The following PCDH15 variants were observed in gnomAD, a reference collection of about 807,000 sequenced individuals.
PCDH15 encodes protocadherin-15.
PCDH15 carries 129 observed loss-of-function variants against 178.5 expected under a neutral mutation model. That is an observed-to-expected ratio of 0.72 (90% confidence interval 0.63 to 0.84). PCDH15 has a LOEUF of 0.84. Ranked by LOEUF, PCDH15 falls within the 40% of genes least tolerant of loss-of-function variation. PCDH15 has a pLI of 0.00. For missense variants in PCDH15, 2,230 were observed against 2,099.9 expected, an observed-to-expected ratio of 1.06 and a Z score of -1.21; for synonymous variants, 800 against 732.0, an observed-to-expected ratio of 1.09 and a Z score of -1.50.
At chr10:54,366,554 G>T (rs999111300) in intron 5 of PCDH15, among the ~76,000 whole-genome samples, 1 of 151,784 alleles carries the variant, frequency 6.6e-6, no homozygotes, top group African/African-American at 2.4e-5. Context: ...ATTCATAATA[G>T]ATAAAATTCA....
At chr10:54,294,551 T>TA (rs1456803513) in intron 8 of PCDH15, among the ~76,000 whole-genome samples, 5 of 152,132 alleles carry the variant, frequency 3.3e-5, no homozygotes, top group African/African-American at 1.2e-4. Flanking sequence ...TGCCAAAAGA[T>TA]AAAAATCTAC....
chr10:54,365,815 C>T (rs1041600070), intron 5 of PCDH15, among the ~76,000 whole-genome samples: 2 of 152,046 alleles, frequency 1.3e-5, no homozygotes, highest in African/African-American at 2.4e-5. Flanking sequence ...ATGAGAAAGA[C>T]ATTTGAAACC....
At chr10:54,126,523 C>A (rs1221555230) in intron 15 of PCDH15, among the ~76,000 whole-genome samples, 1 of 151,988 alleles carries the variant, frequency 6.6e-6, no homozygotes, top group Non-Finnish European at 1.5e-5. Flanking sequence ...ATATTCTTGA[C>A]AAGTAATCCT....
chr10:54,370,913 A>T (rs1947561791), intron 4 of PCDH15, among the ~76,000 whole-genome samples: 1 of 151,836 alleles, frequency 6.6e-6, no homozygotes, highest in Non-Finnish European at 1.5e-5. Flanking sequence ...TAGCTGTCTG[A>T]ATGATGCTAC....
At chr10:55,468,283 G>A (rs1002940510) in intron 2 of PCDH15, 1 of 152,100 alleles carries the variant, frequency 6.6e-6, no homozygotes, top group African/African-American at 2.4e-5. Context: ...TGTCGTTGTT[G>A]TTAGGGCATT....
intron 1 of PCDH15, among the ~76,000 whole-genome samples, chr10:54,671,945 A>G (rs1425769387): frequency 6.6e-6 from 1 of 152,098 alleles, no homozygotes; most frequent in Admixed American, 6.5e-5. Flanking sequence ...ATCTGTATTT[A>G]CAGCCCCTCC....
intron 2 of PCDH15, among the ~76,000 whole-genome samples, chr10:55,413,996 A>G (rs1838413462): frequency 6.6e-6 from 1 of 151,576 alleles, no homozygotes; most frequent in Non-Finnish European, 1.5e-5. Context: ...TAAGAGTAAG[A>G]TAATATTATA....
At chr10:54,593,949 A>AC (rs1214459519) in intron 2 of PCDH15, among the ~76,000 whole-genome samples, 1 of 151,710 alleles carries the variant, frequency 6.6e-6, no homozygotes, top group Non-Finnish European at 1.5e-5. Flanking sequence ...AGACGGGTGT[A>AC]CCCCTAGTAA....
intron 3 of PCDH15, among the ~76,000 whole-genome samples, chr10:54,426,291 T>C (rs552245747): frequency 1.3e-5 from 2 of 152,174 alleles, no homozygotes; most frequent in Admixed American, 6.5e-5. Context: ...AATATTTTCA[T>C]GGACAGGGTT....
chr10:55,332,297 T>C (rs1392808363), intron 2 of PCDH15, among the ~76,000 whole-genome samples: 2 of 152,148 alleles, frequency 1.3e-5, no homozygotes, highest in Non-Finnish European at 2.9e-5. Context: ...TGGCAGTTAA[T>C]GGATATTTGA....
intron 2 of PCDH15, among the ~76,000 whole-genome samples, chr10:55,132,606 T>C (rs530146973): frequency 3.9e-5 from 6 of 152,128 alleles, no homozygotes; most frequent in Non-Finnish European, 7.4e-5. Context: ...TAATTAAATG[T>C]TCGTTTTCAC....
At chr10:54,010,334 C>T (rs940109928) in intron 20 of PCDH15, among the ~76,000 whole-genome samples, 1 of 151,942 alleles carries the variant, frequency 6.6e-6, no homozygotes, top group Non-Finnish European at 1.5e-5. Context: ...CTCGGCAACC[C>T]CCGACCTGGG....
At chr10:54,642,953 C>T (rs558456885) in intron 2 of PCDH15, among the ~76,000 whole-genome samples, 326 of 152,246 alleles carry the variant, frequency 2.1e-3, no homozygotes, top group African/African-American at 7.7e-3. Flanking sequence ...GACAGAATCT[C>T]GCTCTCTGTC....
chr10:55,129,160 A>G (rs1010981084), intron 2 of PCDH15, among the ~76,000 whole-genome samples: 7 of 151,998 alleles, frequency 4.6e-5, no homozygotes, highest in African/African-American at 9.7e-5. Context: ...AGAAGAAGAC[A>G]CTCCTTCTTC....
At chr10:54,248,281 GAATTA>G (rs1428466698) in intron 8 of PCDH15, among the ~76,000 whole-genome samples, 2 of 151,796 alleles carry the variant, frequency 1.3e-5, no homozygotes, top group African/African-American at 4.8e-5. Flanking sequence ...AGAAACTTAT[GAATTA>G]AATTATTTAA....
intron 1 of PCDH15, among the ~76,000 whole-genome samples, chr10:55,235,513 C>T (rs16907149): frequency 0.061 from 9,316 of 152,034 alleles, 358 homozygotes; most frequent in Non-Finnish European, 0.09. Flanking sequence ...TTTAAGATAC[C>T]GTATTATGCT....
chr10:54,075,325 C>T (rs965386596), intron 17 of PCDH15, among the ~76,000 whole-genome samples: 3 of 151,684 alleles, frequency 2.0e-5, no homozygotes, highest in Non-Finnish European at 4.4e-5. Flanking sequence ...TGCAGTGAGC[C>T]GAGATCGCGC....
At chr10:54,939,523 A>AAAAAAAAAAAAAAAAAAAAAC (rs1838005564) in intron 2 of PCDH15, among the ~76,000 whole-genome samples, 1 of 146,370 alleles carries the variant, frequency 6.8e-6, no homozygotes, top group Admixed American at 6.8e-5. Context: ...AAAAAAAAAA[A>AAAAAAAAAAAAAAAAAAAAAC]TCAGTGATGT....
At chr10:54,709,599 TATATATATATAC>T (rs1203062166) in intron 1 of PCDH15, among the ~76,000 whole-genome samples, 21 of 126,018 alleles carry the variant, frequency 1.7e-4, no homozygotes, top group East Asian at 4.1e-4. Flanking sequence ...AATTCATATA[TATATATATATAC>T]ATATATATAT....
Sources: gnomAD v4.1 joint callset for allele counts (sites outside exome capture counted in the v4.1 genomes callset) on GRCh38, gnomAD v4.1.1 for gene constraint, MANE v1.5 for transcripts, NCBI Gene and HGNC (gene_info 2026-07-23, HGNC 2026-07-21) for gene names.